SLC4A4: variants seen among roughly 807,000 people sequenced by gnomAD.
The protein encoded by SLC4A4 is solute carrier family 4 member 4, also known as electrogenic sodium bicarbonate cotransporter 1.
A neutral mutation model predicts 111.5 loss-of-function variants in SLC4A4; 27 were observed. The ratio of observed to expected loss-of-function variants is 0.24; its 90% CI spans 0.18 to 0.33. The LOEUF is 0.33. SLC4A4 is among the 10% of genes least tolerant of loss of function. The probability of loss-of-function intolerance (pLI) is 1.00; values close to 1 mark genes in which losing one functional copy is unlikely to be tolerated. For missense variants in SLC4A4, 909 were observed against 1,315.5 expected (o/e 0.69, Z 4.78); for synonymous variants, 443 against 463.4 (o/e 0.96, Z 0.57).
intron 16 of SLC4A4, among the ~76,000 whole-genome samples, chr4:71,523,394 T>G (rs1274757359): frequency 6.6e-6 from 1 of 152,212 alleles, no homozygotes; most frequent in Non-Finnish European, 1.5e-5. Context: ...TAGTTATAAA[T>G]GCAACTTAGT....
intron 2 of SLC4A4, among the ~76,000 whole-genome samples, chr4:71,181,552 A>G (rs982297246): frequency 6.6e-6 from 1 of 152,170 alleles, no homozygotes. Context: ...GAATGATGTC[A>G]TAAGGAATTT....
At chr4:71,286,775 C>G (rs540075207) in intron 3 of SLC4A4, among the ~76,000 whole-genome samples, 108 of 152,184 alleles carry the variant, frequency 7.1e-4, no homozygotes, top group Non-Finnish European at 1.2e-3. Flanking sequence ...AAGTGTTACT[C>G]TAACCTTTAT....
intron 3 of SLC4A4, among the ~76,000 whole-genome samples, chr4:71,286,750 A>G (rs957447325): frequency 2.0e-5 from 3 of 152,240 alleles, no homozygotes; most frequent in African/African-American, 7.2e-5. Flanking sequence ...CTTTAAGGTT[A>G]CAAGTAAATG....
chr4:71,294,549 C>G (rs1578773029), intron 3 of SLC4A4, among the ~76,000 whole-genome samples: 1 of 152,186 alleles, frequency 6.6e-6, no homozygotes, highest in African/African-American at 2.4e-5. Context: ...TGTGAGCCAG[C>G]AAGTGTGCCT....
At chr4:71,521,402 T>C (rs369327151) in intron 16 of SLC4A4, among the ~76,000 whole-genome samples, 22 of 152,180 alleles carry the variant, frequency 1.4e-4, no homozygotes, top group African/African-American at 5.1e-4. Context: ...GAAAATTTTT[T>C]ATTTTTATTT....
chr4:71,342,506 T>G (rs1728975650), intron 4 of SLC4A4, among the ~76,000 whole-genome samples: 1 of 152,192 alleles, frequency 6.6e-6, no homozygotes, highest in Non-Finnish European at 1.5e-5. Context: ...AAGGTCGTAT[T>G]GAGTTGCCTC....
intron 2 of SLC4A4, among the ~76,000 whole-genome samples, chr4:71,114,145 G>T (rs1186255678): frequency 3.9e-5 from 6 of 152,152 alleles, no homozygotes; most frequent in Non-Finnish European, 7.3e-5. Flanking sequence ...TACTCAGGAG[G>T]CTGAGGAGGA....
chr4:71,442,068 A>T (rs1438570605), intron 8 of SLC4A4, among the ~76,000 whole-genome samples: 2 of 152,148 alleles, frequency 1.3e-5, no homozygotes, highest in Non-Finnish European at 1.5e-5. Context: ...TAACTTTACT[A>T]GGGGTTGAAA....
At chr4:71,164,370 ACT>A (rs1489896038) in intron 2 of SLC4A4, among the ~76,000 whole-genome samples, 2 of 143,378 alleles carry the variant, frequency 1.4e-5, no homozygotes, top group Non-Finnish European at 3.0e-5. Flanking sequence ...ACAGAGGGAG[ACT>A]CTGTCTCCAA....
At chr4:71,347,552 C>G (rs1248943582) in intron 4 of SLC4A4, among the ~76,000 whole-genome samples, 2 of 152,104 alleles carry the variant, frequency 1.3e-5, no homozygotes, top group African/African-American at 4.8e-5. Flanking sequence ...ATTAATCCAT[C>G]TAATCACCTC....
rs748345541 is a variant in SLC4A4 at position 71,568,631 on chromosome 4, T to A, written c.*880T>A. 2.6e-5 allele frequency: 4 copies of A among 151,988 alleles called. No homozygotes were observed. Among genetic ancestry groups the A allele is most frequent in the Non-Finnish European group, 4.4e-5 (3 of 67,758 alleles). The allele number at this position is 151,988 out of a possible 1,614,324, so 9.4% of individuals were successfully genotyped here. A position where few individuals can be genotyped will look rare whatever the true frequency, so the allele number is the denominator to read the frequency against. On this transcript the variant is annotated 3_prime_UTR_variant, in exon 26 of 26. Transcript: ENST00000264485. The stretch of plus-strand genomic sequence containing the variant: ...CTTATTTTTTGTCAATTTTTAAAAC[T>A]TTTTTTTAATTACTGTAAAGAAAAT...
At chr4:71,131,901 C>T (rs1179197933) in intron 2 of SLC4A4, among the ~76,000 whole-genome samples, 1 of 152,154 alleles carries the variant, frequency 6.6e-6, no homozygotes, top group Non-Finnish European at 1.5e-5. Context: ...TTATCAGACA[C>T]TCCAGATGGA....
chr4:71,417,771 G>A (rs1721952501), intron 7 of SLC4A4, among the ~76,000 whole-genome samples: 1 of 152,158 alleles, frequency 6.6e-6, no homozygotes, highest in Non-Finnish European at 1.5e-5. Context: ...CTGTTTTGCT[G>A]TATAAAAGGC....
chr4:71,297,335 A>G (rs1724870162), intron 3 of SLC4A4, among the ~76,000 whole-genome samples: 1 of 151,934 alleles, frequency 6.6e-6, no homozygotes, highest in Admixed American at 6.6e-5. Context: ...CCCTGTTACT[A>G]CCCCTGAGCA....
At chr4:71,267,352 A>T (rs1722344459) in intron 3 of SLC4A4, among the ~76,000 whole-genome samples, 1 of 152,056 alleles carries the variant, frequency 6.6e-6, no homozygotes, top group African/African-American at 2.4e-5. Context: ...AGAAAAAAAA[A>T]TTTTGGTGAA....
chr4:71,198,681 A>G (rs1264256594), intron 1 of SLC4A4, among the ~76,000 whole-genome samples: 1 of 152,150 alleles, frequency 6.6e-6, no homozygotes, highest in African/African-American at 2.4e-5. Context: ...TAAGAGAGAA[A>G]TAGGCTGGGT....
At chr4:71,492,393 C>T (rs1375828531) in intron 15 of SLC4A4, among the ~76,000 whole-genome samples, 1 of 151,880 alleles carries the variant, frequency 6.6e-6, no homozygotes, top group Non-Finnish European at 1.5e-5. Flanking sequence ...CAGATCCACT[C>T]AGTATAACAG....
At chr4:71,311,581 T>C (rs1197707402) in intron 3 of SLC4A4, among the ~76,000 whole-genome samples, 2 of 152,236 alleles carry the variant, frequency 1.3e-5, no homozygotes, top group African/African-American at 4.8e-5. Flanking sequence ...TGCTCCTGAA[T>C]GACTACTTGG....
At chr4:71,349,840 G>A in intron 4 of SLC4A4, 72 bp from the exon 5 acceptor site, 2 of 1,407,934 alleles carry the variant, frequency 1.4e-6, no homozygotes, top group Non-Finnish European at 2.0e-6. Context: ...TGAAGATGGA[G>A]GGGTTGAGAC....
Sources: gnomAD v4.1 joint callset for allele counts (sites outside exome capture counted in the v4.1 genomes callset) on GRCh38, gnomAD v4.1.1 for gene constraint, MANE v1.5 for transcripts, NCBI Gene and HGNC (gene_info 2026-07-23, HGNC 2026-07-21) for gene names.